The following TSHZ2 variants were observed in gnomAD, a reference collection of about 807,000 sequenced individuals.
TSHZ2 encodes teashirt homolog 2.
Under a neutral mutation model 74.4 loss-of-function variants are expected in TSHZ2, and 21 were observed. The observed-to-expected ratio is 0.28, with a 90% CI of 0.20 to 0.41. The LOEUF is 0.41. Ranked by LOEUF, TSHZ2 falls within the 10% of genes least tolerant of loss-of-function variation. TSHZ2 has a pLI of 1.00. For synonymous variants in TSHZ2, 540 were observed against 515.3 expected (o/e 1.05, Z -0.65); for missense variants, 1,244 against 1,293.5 (o/e 0.96, Z 0.59).
rs375205081 is a variant in TSHZ2, at chr20:53,387,935, G to A, written c.*9-99209G>A. On this transcript the variant is annotated intron_variant, in intron 2 of 2. Transcript: ENST00000371497. ...GTGGCAGCATGCGCCTGTAGTCCCA[G>A]CTACTCAGGAGGCTGAGACAGGAGA... 1.3e-3 allele frequency among the ~76,000 whole-genome samples: 203 copies of A among 151,960 alleles called. 4 individuals are homozygous for A. In the South Asian group the frequency reaches 0.028, roughly 21 times the overall value.
rs1179570408 is a variant in TSHZ2 at position 53,248,675 on chromosome 20, C to G, written c.41-4824C>G. Among the ~76,000 whole-genome samples the G allele has an allele frequency of 3.3e-5, 5 of 152,158 alleles. No individual in the cohort carries two copies. In the East Asian group the frequency reaches 9.6e-4, roughly 29 times the overall value. On this transcript the variant is annotated intron_variant, in intron 1 of 2. Coordinates refer to ENST00000371497, the MANE Select transcript of TSHZ2 (RefSeq NM_173485.6). ...AATCTTTGTTGAATCAAAGTCTGTT[C>G]ACATTAAGAGCATAGATTCTGATGC... is the stretch of plus-strand genomic sequence containing the variant.
intron 1 of TSHZ2, among the ~76,000 whole-genome samples, chr20:52,996,635 A>C (rs987278306): frequency 2.0e-5 from 3 of 152,248 alleles, no homozygotes; most frequent in Admixed American, 2.0e-4. Context: ...TCTTGTGGAA[A>C]AACTGATCTA....
intron 2 of TSHZ2, among the ~76,000 whole-genome samples, chr20:53,275,657 C>G (rs1568847895): frequency 1.3e-5 from 2 of 152,160 alleles, no homozygotes; most frequent in South Asian, 4.1e-4. Flanking sequence ...CCTGGGCACG[C>G]TGGCTCATGC....
chr20:53,013,839 A>G (rs1346091335), intron 1 of TSHZ2, among the ~76,000 whole-genome samples: 10 of 150,808 alleles, frequency 6.6e-5, no homozygotes, highest in African/African-American at 2.4e-4. Context: ...ATTCAGGCTC[A>G]TTTATTTATT....
intron 2 of TSHZ2, among the ~76,000 whole-genome samples, chr20:53,306,391 G>A (rs1568861112): frequency 6.6e-6 from 1 of 152,196 alleles, no homozygotes; most frequent in Non-Finnish European, 1.5e-5. Flanking sequence ...AGCCCCTACA[G>A]TAGAGGAAGC....
intron 1 of TSHZ2, among the ~76,000 whole-genome samples, chr20:53,039,922 A>G (rs1009389649): frequency 6.6e-6 from 1 of 152,098 alleles, no homozygotes; most frequent in Non-Finnish European, 1.5e-5. Context: ...CCTGGCTAAC[A>G]CAGTGAAACC....
intron 2 of TSHZ2, among the ~76,000 whole-genome samples, chr20:53,379,265 C>T (rs903595563): frequency 6.6e-6 from 1 of 152,162 alleles, no homozygotes; most frequent in African/African-American, 2.4e-5. Context: ...GCCTGTAGTC[C>T]TAGCTACTCA....
At chr20:53,298,716 C>T (rs1028490987) in intron 2 of TSHZ2, among the ~76,000 whole-genome samples, 5 of 152,124 alleles carry the variant, frequency 3.3e-5, no homozygotes, top group Non-Finnish European at 5.9e-5. Context: ...TCGATTTACC[C>T]TTTGAGAGAA....
At chr20:52,983,585 C>T (rs1034956871) in intron 1 of TSHZ2, among the ~76,000 whole-genome samples, 5 of 152,198 alleles carry the variant, frequency 3.3e-5, no homozygotes, top group African/African-American at 1.2e-4. Flanking sequence ...AAACTTTTAG[C>T]AGACCTCTGG....
At chr20:52,983,441 C>A (rs989074190) in intron 1 of TSHZ2, among the ~76,000 whole-genome samples, 4 of 152,262 alleles carry the variant, frequency 2.6e-5, no homozygotes, top group Middle Eastern at 3.4e-3. Flanking sequence ...GTCCTTGGCA[C>A]CGTTTAGGCA....
intron 1 of TSHZ2, among the ~76,000 whole-genome samples, chr20:53,193,314 C>T (rs1453155880): frequency 6.6e-6 from 1 of 152,100 alleles, no homozygotes; most frequent in Non-Finnish European, 1.5e-5. Flanking sequence ...TGTCTTGTTC[C>T]CTTCTCCTGG....
Position 53,255,972 on chromosome 20 carries a change from G to T in TSHZ2, c.2514G>T (p.Leu838Phe), listed in dbSNP as rs1313045690. 5.0e-6 allele frequency: 8 copies of T among 1,613,916 alleles called. No individual in the cohort carries two copies. In the East Asian group the frequency reaches 1.6e-4, roughly 31 times the overall value. Residue 838 changes from leucine to phenylalanine, a missense_variant, in exon 2 of 3, where the codon TTG becomes TTT. By Grantham distance (22) the Leu-to-Phe change is conservative. Around this residue, in one of 6 missense-constraint regions of TSHZ2, gnomAD observed 562 missense variants for 544.0 expected, o/e 1.03. Transcript: ENST00000371497. The surrounding 1 kb of genome is among the most constrained non-coding windows in gnomAD (Gnocchi z 4.1). ...FEDVSSEVST[L>F]HKRKGRQSNW... ...ATGTCTCCAGTGAAGTCTCAACTTT[G>T]CATAAAAGAAAAGGCCGGCAGTCCA...
intron 2 of TSHZ2, among the ~76,000 whole-genome samples, chr20:53,455,592 T>C (rs1985032523): frequency 6.6e-6 from 1 of 152,162 alleles, no homozygotes; most frequent in Admixed American, 6.6e-5. Flanking sequence ...CTTTAAGTTT[T>C]AGGGTACATG....
intron 1 of TSHZ2, among the ~76,000 whole-genome samples, chr20:53,111,537 C>G (rs529903215): frequency 1.3e-5 from 2 of 152,226 alleles, no homozygotes; most frequent in South Asian, 4.2e-4. Context: ...AATCTCCTCC[C>G]AGAATGGAAA....
chr20:53,170,852 G>A (rs1988182495), intron 1 of TSHZ2, among the ~76,000 whole-genome samples: 1 of 151,796 alleles, frequency 6.6e-6, no homozygotes, highest in Admixed American at 6.6e-5. Context: ...CAAGACACAC[G>A]TCTCTGGCTC....
At position 53,478,035 on chromosome 20, in the gene TSHZ2, G is replaced by GA. The variant is rs1600670653; in HGVS notation, c.*9-9106dup. ...CAACAGGTGCTGGAGAGGATGGGGA[G>GA]AAATAGGAACACTTTTACACTGTTG... On this transcript the variant is annotated intron_variant, in intron 2 of 2. Transcript: ENST00000371497. 1.4e-5 allele frequency among the ~76,000 whole-genome samples: 2 copies of GA among 141,370 alleles called. 1 individual carries two copies. Among genetic ancestry groups the GA allele is most frequent in the East Asian group, 4.4e-4 (2 of 4,524 alleles). The allele number at this position is 141,370 out of a possible 152,430, so 92.7% of individuals were successfully genotyped here. A position where few individuals can be genotyped will look rare whatever the true frequency, so the allele number is the denominator to read the frequency against.
chr20:53,218,745 G>A (rs942687664), intron 1 of TSHZ2, among the ~76,000 whole-genome samples: 3 of 152,172 alleles, frequency 2.0e-5, no homozygotes, highest in African/African-American at 4.8e-5. Flanking sequence ...TCTCTCAAAA[G>A]TGAGAAAACA....
chr20:53,026,636 G>A (rs1393853011), intron 1 of TSHZ2, among the ~76,000 whole-genome samples: 1 of 152,092 alleles, frequency 6.6e-6, no homozygotes, highest in Admixed American at 6.5e-5. Flanking sequence ...ATGCAAATAA[G>A]AGAGAAAAAT....
At chr20:53,030,290 T>C (rs933851449) in intron 1 of TSHZ2, among the ~76,000 whole-genome samples, 1 of 151,542 alleles carries the variant, frequency 6.6e-6, no homozygotes, top group Non-Finnish European at 1.5e-5. Flanking sequence ...GTGTATGTGG[T>C]AAATTCACAG....
Sources: allele counts gnomAD v4.1 joint callset (sites outside exome capture counted in the v4.1 genomes callset), GRCh38; gene constraint gnomAD v4.1.1; regional missense constraint gnomAD v4.1.1; non-coding constraint Gnocchi (gnomAD v3.1); transcripts MANE v1.5; gene names NCBI Gene and HGNC (gene_info 2026-07-23, HGNC 2026-07-21).